The following SNX25 variants were observed in gnomAD, a reference collection of about 807,000 sequenced individuals.
SNX25 encodes the protein sorting nexin 25.
SNX25 carries 62 observed loss-of-function variants against 113.7 expected under a neutral mutation model. That is an observed-to-expected ratio of 0.55 (90% CI 0.44 to 0.67). SNX25 has a LOEUF of 0.67. Among genes scored for constraint, SNX25 ranks in the 30% least tolerant of loss-of-function variants. The probability of loss-of-function intolerance (pLI) is 0.00; values close to 1 mark genes in which losing one functional copy is unlikely to be tolerated. For missense variants in SNX25, 1,014 were observed against 1,161.0 expected (o/e 0.87, Z 1.84); for synonymous variants, 421 against 436.2 (o/e 0.97, Z 0.43).
downstream of SNX25, chr4:185,366,949 T>C (rs1019951002): frequency 3.0e-5 from 13 of 436,442 alleles, no homozygotes; most frequent in Non-Finnish European, 4.5e-5. Context: ...GGCCAGTCTG[T>C]AGGGTAAGAG....
downstream of SNX25, chr4:185,367,104 C>T: frequency 7.9e-7 from 1 of 1,260,880 alleles, no homozygotes; most frequent in Non-Finnish European, 1.1e-6. Context: ...TGCAAAATAA[C>T]CAAACATAGC....
At chr4:185,348,512 C>T (rs1307953441) in intron 13 of SNX25, among the ~76,000 whole-genome samples, 1 of 152,118 alleles carries the variant, frequency 6.6e-6, no homozygotes, top group Non-Finnish European at 1.5e-5. Context: ...CCTGCCTCAG[C>T]CCCCCAAGTA....
At chr4:185,318,142 G>A (rs1469854659) in intron 7 of SNX25, among the ~76,000 whole-genome samples, 2 of 152,134 alleles carry the variant, frequency 1.3e-5, no homozygotes, top group Admixed American at 1.3e-4. Context: ...TACACTGATG[G>A]TATGCACTTG....
At chr4:185,302,355 C>T (rs1753822194) in intron 6 of SNX25, among the ~76,000 whole-genome samples, 1 of 152,098 alleles carries the variant, frequency 6.6e-6, no homozygotes, top group Non-Finnish European at 1.5e-5. Flanking sequence ...GTTCTGGAGG[C>T]CTAGACTTGC....
chr4:185,373,913 T>C (rs531156646), downstream of SNX25, among the ~76,000 whole-genome samples: 2 of 152,308 alleles, frequency 1.3e-5, no homozygotes, highest in South Asian at 4.1e-4. Context: ...GATACTATAG[T>C]ATACAAAATA....
At chr4:185,365,690 A>AAAAAAT (rs1554015803), downstream of SNX25, 5 of 144,270 alleles carry the variant, frequency 3.5e-5, no homozygotes, top group Middle Eastern at 3.7e-3. Flanking sequence ...AAAAAAAAAA[A>AAAAAAT]AATAATAATA....
rs1253253591 is a variant in SNX25 at position 185,363,741 on chromosome 4, T to C, written c.*276T>C. On this transcript the variant is annotated 3_prime_UTR_variant, in exon 19 of 19. Transcript: ENST00000652585. The surrounding 1 kb of genome is among the most constrained non-coding windows in gnomAD (Gnocchi z 4.2). ...TGTTAATATGTGAGAACCTAGGAAG[T>C]ATTTTAAATATTTATGAAAATATTT... 3.9e-6 allele frequency: 1 copy of C among 258,122 alleles called. No homozygotes were observed. The highest frequency in any genetic ancestry group is 2.2e-5 in the African/African-American group (1 of 45,460). 16.0% of individuals were successfully genotyped at this position (258,122 alleles called of 1,614,324 possible).
chr4:185,354,374 T>C (rs2095329911), intron 15 of SNX25, among the ~76,000 whole-genome samples: 1 of 152,158 alleles, frequency 6.6e-6, no homozygotes, highest in Non-Finnish European at 1.5e-5. Flanking sequence ...TCTTGAGCAG[T>C]AGTTCTTCAT....
intron 13 of SNX25, among the ~76,000 whole-genome samples, chr4:185,351,006 CAA>C: frequency 6.6e-6 from 1 of 152,308 alleles, no homozygotes; most frequent in South Asian, 2.1e-4. Flanking sequence ...AGCTGATGTA[CAA>C]AGTCTGAATA....
At chr4:185,343,281 G>T (rs2095269529) in intron 12 of SNX25, among the ~76,000 whole-genome samples, 1 of 152,188 alleles carries the variant, frequency 6.6e-6, no homozygotes, top group Admixed American at 6.5e-5. Context: ...GTTGTTATGA[G>T]AATTAAGGGA....
chr4:185,323,914 A>T (rs1240220209), intron 9 of SNX25, 114 bp downstream of exon 9: 3 of 1,081,254 alleles, frequency 2.8e-6, no homozygotes, highest in Non-Finnish European at 2.7e-6. Flanking sequence ...TTTAATATAC[A>T]GGACCTTAAA....
intron 6 of SNX25, among the ~76,000 whole-genome samples, chr4:185,300,923 C>T (rs1207277978): frequency 6.6e-6 from 1 of 151,304 alleles, no homozygotes; most frequent in African/African-American, 2.4e-5. Flanking sequence ...GCCCTTGTTA[C>T]AGTGTTTTAT....
intron 5 of SNX25, among the ~76,000 whole-genome samples, chr4:185,270,265 C>G (rs1358539164): frequency 6.6e-6 from 1 of 152,184 alleles, no homozygotes; most frequent in Non-Finnish European, 1.5e-5. Context: ...GTAGGCACAT[C>G]ATGGATTGCC....
In SNX25 at chr4:185,363,579, C is replaced by A; in HGVS notation, c.*114C>A. 1.1e-6 allele frequency: 1 copy of A among 938,104 alleles called. No individual in the cohort carries two copies. Among genetic ancestry groups the A allele is most frequent in the Non-Finnish European group, 1.6e-6 (1 of 610,328 alleles). 58.1% of individuals were successfully genotyped at this position (938,104 alleles called of 1,614,324 possible). The stretch of plus-strand genomic sequence containing the variant: ...CCGTATTGATTTTTATTTTAGTTAC[C>A]TCCCTCTAGTTTTATGTGAAATTAG... On this transcript the variant is annotated 3_prime_UTR_variant, in exon 19 of 19. Coordinates refer to ENST00000652585, the MANE Select transcript of SNX25 (RefSeq NM_001378034.2). This position sits in a 1 kb window ranked among gnomAD's most constrained non-coding sequence, Gnocchi z 4.2.
Position 185,265,610 on chromosome 4 carries a change from C to T in SNX25, c.904+1000C>T, listed in dbSNP as rs544188090. Among the ~76,000 whole-genome samples the T allele has an allele frequency of 2.0e-5, 3 of 152,322 alleles. No individual in the cohort carries two copies. The East Asian group carries it at 5.8e-4, about 29-fold the overall frequency. On this transcript the variant is annotated intron_variant, in intron 4 of 18. Transcript: ENST00000652585. ...TCATAAACAGTGTACGCTTAGGCTA[C>T]ACTACATTTATTTAAAATTTTATTT...
At chr4:185,265,746 T>C (rs1331136861) in intron 4 of SNX25, among the ~76,000 whole-genome samples, 6 of 152,230 alleles carry the variant, frequency 3.9e-5, no homozygotes, top group African/African-American at 1.4e-4. Context: ...TTATCAAGTA[T>C]GCACTGTACA....
chr4:185,222,050 A>G (rs1207421713), intron 1 of SNX25, among the ~76,000 whole-genome samples: 1 of 24,758 alleles, frequency 4.0e-5, no homozygotes, highest in Non-Finnish European at 1.1e-4. Flanking sequence ...ATACAGCACC[A>G]TATACCCCTC....
At chr4:185,214,958 C>T (rs1252999561) in intron 1 of SNX25, among the ~76,000 whole-genome samples, 11 of 152,112 alleles carry the variant, frequency 7.2e-5, no homozygotes, top group African/African-American at 2.4e-4. Context: ...GGGCCTGGCG[C>T]GGTGTCTCAC....
intron 7 of SNX25, among the ~76,000 whole-genome samples, chr4:185,317,455 G>A (rs528354144): frequency 1.3e-5 from 2 of 152,290 alleles, no homozygotes; most frequent in East Asian, 3.9e-4. Flanking sequence ...CTGTGACCCA[G>A]CAATACTGTT....
Sources: gnomAD v4.1 joint callset for allele counts (sites outside exome capture counted in the v4.1 genomes callset) on GRCh38, gnomAD v4.1.1 for gene constraint, Gnocchi (gnomAD v3.1) non-coding constraint, MANE v1.5 for transcripts, NCBI Gene and HGNC (gene_info 2026-07-23, HGNC 2026-07-21) for gene names.